CR1: variants seen among roughly 807,000 people sequenced by gnomAD.
CR1 encodes the protein complement receptor type 1.
In CR1, 116 loss-of-function variants were observed where a neutral mutation model predicts 187.3. That is an observed-to-expected ratio of 0.62 (90% CI 0.53 to 0.72). The LOEUF (loss-of-function observed/expected upper bound fraction) is 0.72, where lower values mean the gene tolerates loss of function less well. Ranked by LOEUF, CR1 falls within the 30% of genes least tolerant of loss-of-function variation. The pLI is 0.00. For synonymous variants in CR1, 576 were observed against 747.1 expected, an observed-to-expected ratio of 0.77 and a Z score of 3.73; for missense variants, 1,731 against 2,110.7, an observed-to-expected ratio of 0.82 and a Z score of 3.52.
chr1:207,596,538 C>T (rs1257545), intron 35 of CR1, among the ~76,000 whole-genome samples: 10,698 of 151,876 alleles, frequency 0.07, 1,272 homozygotes, highest in African/African-American at 0.24. Flanking sequence ...CACTTGAACC[C>T]GGGAGGCGGA....
At chr1:207,513,229 G>T (rs1464313415) in intron 4 of CR1, among the ~76,000 whole-genome samples, 1 of 152,158 alleles carries the variant, frequency 6.6e-6, no homozygotes. Context: ...CATTCTGATT[G>T]CTGTTTCAGC....
At position 207,601,326 on chromosome 1, in the gene CR1, A is replaced by G. The variant is rs182689713; in HGVS notation, c.5811-5925A>G. On this transcript the variant is annotated intron_variant, in intron 35 of 46. Coordinates refer to ENST00000367049, the MANE Select transcript of CR1 (RefSeq NM_000651.6). ...ATTAAAACTATCCATGAAATGTACC[A>G]TGTCAGAAGAAAAATACAATTTACC... is the stretch of plus-strand genomic sequence containing the variant. 1.8e-4 allele frequency among the ~76,000 whole-genome samples: 27 copies of G among 152,274 alleles called. No individual in the cohort carries two copies. In the East Asian group the frequency reaches 4.8e-3, roughly 27 times the overall value.
At position 207,639,444 on chromosome 1, in the gene CR1, C is replaced by T. The variant is rs141116919; in HGVS notation, c.*35C>T. The T allele has an allele frequency of 9.0e-4, 1,427 of 1,584,210 alleles. 13 individuals are homozygous for T. In the African/African-American group the frequency reaches 0.017, roughly 19 times the overall value. ...ATACAGCTGAAGAACATCTCGAATA[C>T]AATTTTGGTGGGAAAGGAGCCAATT... On this transcript the variant is annotated 3_prime_UTR_variant, in exon 47 of 47. Coordinates refer to ENST00000367049, the MANE Select transcript of CR1 (RefSeq NM_000651.6).
chr1:207,590,713 A>T (rs554581619), intron 35 of CR1, among the ~76,000 whole-genome samples: 12 of 152,298 alleles, frequency 7.9e-5, no homozygotes, highest in African/African-American at 2.9e-4. Context: ...TATTCAGGAG[A>T]CCCATCTCAT....
At chr1:207,523,172 T>C (rs1660050495) in intron 4 of CR1, among the ~76,000 whole-genome samples, 1 of 152,228 alleles carries the variant, frequency 6.6e-6, no homozygotes, top group Non-Finnish European at 1.5e-5. Flanking sequence ...GTTTAAATTC[T>C]TTTTCCTACT....
At chr1:207,607,526 G>A (rs1451725741) in intron 36 of CR1, among the ~76,000 whole-genome samples, 190 bp downstream of exon 36, 1 of 152,116 alleles carries the variant, frequency 6.6e-6, no homozygotes, top group Non-Finnish European at 1.5e-5. Flanking sequence ...CTGTGGGCTT[G>A]AACCTAGGCA....
At chr1:207,618,346 T>G in intron 42 of CR1, 99 bp downstream of exon 42, 1 of 1,119,796 alleles carries the variant, frequency 8.9e-7, no homozygotes, top group Non-Finnish European at 1.3e-6. Context: ...ATGAAAGGGA[T>G]AATATTTTTT....
At chr1:207,606,027 G>C (rs2102379183) in intron 35 of CR1, 1 of 152,322 alleles carries the variant, frequency 6.6e-6, no homozygotes, top group Admixed American at 6.5e-5. Context: ...CTCAAACATA[G>C]ATAGTAGTTT....
At chr1:207,520,676 G>A (rs1479328407) in intron 4 of CR1, among the ~76,000 whole-genome samples, 1 of 152,160 alleles carries the variant, frequency 6.6e-6, no homozygotes, top group Non-Finnish European at 1.5e-5. Flanking sequence ...ACCCGCATAT[G>A]AGCTCTTTCT....
chr1:207,573,230 G>T (rs1660632702), intron 27 of CR1, among the ~76,000 whole-genome samples: 1 of 152,100 alleles, frequency 6.6e-6, no homozygotes, highest in South Asian at 2.1e-4. Flanking sequence ...CATGGGAACA[G>T]CTAAGCCAGG....
intron 35 of CR1, chr1:207,600,738 C>T (rs1348222798): frequency 1.3e-5 from 2 of 152,132 alleles, no homozygotes; most frequent in Non-Finnish European, 2.9e-5. Context: ...AAATGGATAT[C>T]ATGCATATCC....
chr1:207,625,603 A>G (rs1039884443), intron 45 of CR1, among the ~76,000 whole-genome samples: 1 of 152,250 alleles, frequency 6.6e-6, no homozygotes, highest in African/African-American at 2.4e-5. Context: ...GTCACGTGGA[A>G]GAACTGGAGT....
intron 1 of CR1, among the ~76,000 whole-genome samples, chr1:207,501,775 C>T (rs746589545): frequency 5.3e-5 from 8 of 152,132 alleles, no homozygotes; most frequent in Non-Finnish European, 1.0e-4. Flanking sequence ...CAGCTTTTGG[C>T]GCTAGGCACT....
chr1:207,505,207 G>A (rs1450589830), intron 1 of CR1, among the ~76,000 whole-genome samples: 3 of 152,186 alleles, frequency 2.0e-5, no homozygotes, highest in African/African-American at 7.2e-5. Context: ...AGGCTGGAGT[G>A]CAGTGGCACA....
intron 34 of CR1, 119 bp from the exon 35 acceptor site, chr1:207,588,556 G>C (rs946302952): frequency 1.4e-6 from 1 of 690,962 alleles, no homozygotes; most frequent in Non-Finnish European, 2.5e-6. Context: ...CCTCAAAGCA[G>C]TCAATTCCAT....
chr1:207,511,013 C>G (rs897204114), intron 3 of CR1, among the ~76,000 whole-genome samples: 1 of 151,616 alleles, frequency 6.6e-6, no homozygotes, highest in African/African-American at 2.4e-5. Flanking sequence ...GTACAGACAG[C>G]TTCTCACTAT....
In CR1 at chr1:207,639,528, G is replaced by A. The variant is rs532004241; in HGVS notation, c.*119G>A. Reference sequence around the variant, plus strand: ...GTCTTTGAAGTGACTTCACAGAGACGCAGACATGTGCACTTGAAGATGCTG... The same window carrying A: ...GTCTTTGAAGTGACTTCACAGAGACACAGACATGTGCACTTGAAGATGCTG... On this transcript the variant is annotated 3_prime_UTR_variant, in exon 47 of 47. Coordinates refer to ENST00000367049, the MANE Select transcript of CR1 (RefSeq NM_000651.6). 1.4e-5 allele frequency: 13 copies of A among 928,360 alleles called. No homozygotes were observed. Among genetic ancestry groups the A allele is most frequent in the East Asian group, 2.7e-5 (1 of 37,334 alleles). The allele number at this position is 928,360 out of a possible 1,614,324, so 57.5% of individuals were successfully genotyped here.
chr1:207,591,342 G>GA (rs1422280980), intron 35 of CR1, among the ~76,000 whole-genome samples: 1 of 152,162 alleles, frequency 6.6e-6, no homozygotes, highest in Non-Finnish European at 1.5e-5. Flanking sequence ...AGCCTGCTCT[G>GA]AATGACTACT....
intron 46 of CR1, among the ~76,000 whole-genome samples, chr1:207,633,107 A>G (rs1185380836): frequency 6.6e-6 from 1 of 152,164 alleles, no homozygotes; most frequent in Admixed American, 6.5e-5. Context: ...ACCTGCCTAA[A>G]ACACTTTTCC....
Sources: allele counts gnomAD v4.1 joint callset (sites outside exome capture counted in the v4.1 genomes callset), GRCh38; gene constraint gnomAD v4.1.1; transcripts MANE v1.5; gene names NCBI Gene and HGNC (gene_info 2026-07-23, HGNC 2026-07-21).